TBC1D2B: variants seen among roughly 807,000 people sequenced by gnomAD.
TBC1D2B encodes TBC1 domain family, member 2B.
A neutral mutation model predicts 100.8 loss-of-function variants in TBC1D2B; 64 were observed. The ratio of observed to expected loss-of-function variants is 0.64; its 90% CI spans 0.52 to 0.78. The LOEUF is 0.78. Among genes scored for constraint, TBC1D2B ranks in the 30% least tolerant of loss-of-function variants. The pLI is 0.00. For missense variants in TBC1D2B, 1,052 were observed against 1,218.4 expected (o/e 0.86, Z 2.03); for synonymous variants, 480 against 479.7 (o/e 1.00, Z -0.01).
chr15:78,027,058 G>T (rs1198198627), intron 4 of TBC1D2B, among the ~76,000 whole-genome samples: 1 of 145,712 alleles, frequency 6.9e-6, no homozygotes, highest in Non-Finnish European at 1.5e-5. Flanking sequence ...CACTAAAAAA[G>T]AAAAAAAAAA....
At chr15:78,018,650 A>G (rs1410397232) in intron 6 of TBC1D2B, among the ~76,000 whole-genome samples, 4 of 152,214 alleles carry the variant, frequency 2.6e-5, no homozygotes, top group African/African-American at 9.7e-5. Flanking sequence ...GCCGAGTCCA[A>G]CTTTGAGAGC....
At chr15:78,038,839 A>C (rs2073009424) in intron 3 of TBC1D2B, among the ~76,000 whole-genome samples, 1 of 152,162 alleles carries the variant, frequency 6.6e-6, no homozygotes, top group Non-Finnish European at 1.5e-5. Context: ...GACCGCAGTG[A>C]TTTCCATGGA....
rs376116577 is a variant in TBC1D2B, at chr15:78,044,962, G to A, written c.621C>T (p.Pro207=). The A allele has an allele frequency of 8.1e-5, 130 of 1,613,520 alleles. 1 individual carries two copies. The African/African-American group carries it at 1.1e-3, about 14-fold the overall frequency. The part of the protein sequence containing the change: ...ELVGEQAANQ[P]APGHPNSINF... ...TAATGGAATTTGGATGCCCTGGGGC[G>A]GGCTGATTTGCAGCTTGTTCTCCCA... The change falls in exon 3 of 13, where the codon CCC becomes CCT. Residue 207 remains proline (P), a synonymous_variant. Transcript: ENST00000300584.
intron 1 of TBC1D2B, among the ~76,000 whole-genome samples, chr15:78,055,322 T>C (rs1342081268): frequency 6.8e-6 from 1 of 147,008 alleles, no homozygotes; most frequent in Non-Finnish European, 1.5e-5. Flanking sequence ...AAAAAAAAAA[T>C]CAACCAAGAT....
intron 7 of TBC1D2B, 35 bp from the exon 8 acceptor site, chr15:78,016,774 A>G (rs2072388191): frequency 1.4e-6 from 2 of 1,470,696 alleles, no homozygotes; most frequent in Non-Finnish European, 1.8e-6. Flanking sequence ...CCATTCAGAC[A>G]GAGACACAGG....
chr15:78,034,827 T>C, intron 3 of TBC1D2B: 3 of 805,692 alleles, frequency 3.7e-6, no homozygotes, highest in Non-Finnish European at 4.5e-6. Flanking sequence ...TTTGCTCTTA[T>C]GTGGCAAAAC....
intron 1 of TBC1D2B, among the ~76,000 whole-genome samples, chr15:78,058,636 G>A (rs1166257902): frequency 1.3e-5 from 2 of 152,198 alleles, no homozygotes; most frequent in African/African-American, 2.4e-5. Context: ...GCCAGTCAGC[G>A]CAGAAGCTAA....
At chr15:78,074,917 C>T (rs1212006915) in intron 1 of TBC1D2B, among the ~76,000 whole-genome samples, 1 of 152,154 alleles carries the variant, frequency 6.6e-6, no homozygotes, top group Non-Finnish European at 1.5e-5. Context: ...AAAGACACTG[C>T]TTGATGTTTC....
In TBC1D2B at chr15:78,016,695, G is replaced by A; in HGVS notation, c.1626C>T (p.Tyr542=). The A allele has an allele frequency of 1.3e-6, 2 of 1,593,636 alleles. No homozygotes were observed. Among genetic ancestry groups the A allele is most frequent in the Non-Finnish European group, 1.7e-6 (2 of 1,171,128 alleles). The change falls in exon 8 of 13, where the codon TAC becomes TAT. Residue 542 remains tyrosine, a synonymous_variant. Coordinates refer to ENST00000300584, the MANE Select transcript of TBC1D2B (RefSeq NM_144572.2). ...EAKLCQIESK[Y]LILLQEMKTP... ...TCTTCATTTCTTGGAGCAATATCAG[G>A]TATTTACTTTCTATCTGGCAGAGCT...
At chr15:78,017,776 G>C (rs2072414036) in intron 7 of TBC1D2B, 71 bp downstream of exon 7, 2 of 1,003,564 alleles carry the variant, frequency 2.0e-6, no homozygotes, top group Non-Finnish European at 3.0e-6. Flanking sequence ...GCTTTGTAAA[G>C]CATGCTTATT....
At chr15:78,013,457 G>C (rs1043437151) in intron 8 of TBC1D2B, 140 bp from the exon 9 acceptor site, 4 of 836,004 alleles carry the variant, frequency 4.8e-6, no homozygotes, top group Non-Finnish European at 7.2e-6. Flanking sequence ...AATCAGTGAG[G>C]ATATAATCGA....
At chr15:78,004,579 T>C (rs2072016819) in intron 10 of TBC1D2B, among the ~76,000 whole-genome samples, 1 of 152,218 alleles carries the variant, frequency 6.6e-6, no homozygotes, top group African/African-American at 2.4e-5. Context: ...CGTGAACCGG[T>C]ATGCACGTGT....
intron 3 of TBC1D2B, among the ~76,000 whole-genome samples, chr15:78,032,744 C>T (rs1378112118): frequency 6.6e-6 from 1 of 151,198 alleles, no homozygotes; most frequent in Non-Finnish European, 1.5e-5. Context: ...TAAATGGGAA[C>T]AAGAGCAGAG....
In TBC1D2B at chr15:78,054,078, G is replaced by A; in HGVS notation, c.470C>T (p.Thr157Ile). 1.2e-6 allele frequency: 2 copies of A among 1,613,770 alleles called. No individual in the cohort carries two copies. Residue 157 changes from threonine to isoleucine, a missense_variant, in exon 2 of 13, where the codon ACT becomes ATT. By Grantham distance (89) the Thr-to-Ile change is moderately conservative (BLOSUM62 -1). This residue lies in a region of TBC1D2B where 627 missense variants were observed against 646.1 expected (regional missense o/e 0.97). Coordinates refer to ENST00000300584, the MANE Select transcript of TBC1D2B (RefSeq NM_144572.2). The stretch of plus-strand genomic sequence containing the variant: ...AAGACCCTTAGGAAAATCCCCGGGA[G>A]TTGGAGAGGTCCTGCTGTCCCACTT... ...MVKWDSRTSP[T>I]PGDFPKGLVA...
In TBC1D2B at chr15:78,036,763, T is replaced by C. The variant is rs11634795; in HGVS notation, c.684-6593A>G. On this transcript the variant is annotated intron_variant, in intron 3 of 12. Transcript: ENST00000300584. ...CCACCAGTGTTATGGTCACTTGTTA[T>C]AGCAGCCAGAGCAAATTAACACAAT... Among the ~76,000 whole-genome samples the C allele has an allele frequency of 9.6e-3, 1,469 of 152,332 alleles. 14 individuals are homozygous for C. Among genetic ancestry groups the C allele is most frequent in the Admixed American group, 0.016 (245 of 15,306 alleles).
chr15:78,055,574 C>T (rs1220017912), intron 1 of TBC1D2B, among the ~76,000 whole-genome samples: 1 of 152,124 alleles, frequency 6.6e-6, no homozygotes, highest in African/African-American at 2.4e-5. Context: ...AAGAGATAGC[C>T]CTAGACCAAA....
chr15:78,013,394 T>C (rs1057389268), intron 8 of TBC1D2B, 77 bp from the exon 9 acceptor site: 4 of 1,359,678 alleles, frequency 2.9e-6, no homozygotes, highest in Middle Eastern at 3.8e-4. Context: ...AAATAGAGAG[T>C]CTAGAAACCA....
Position 78,012,689 on chromosome 15 carries a change from C to T in TBC1D2B, c.2270+134G>A, listed in dbSNP as rs539717660. On this transcript the variant is annotated intron_variant, in intron 9 of 12. Coordinates refer to ENST00000300584, the MANE Select transcript of TBC1D2B (RefSeq NM_144572.2). ...GGGGATATTGTGTAATGAAAACTGG[C>T]TTGCTGCAACTACTTTTTTCTCTTA... 8.5e-6 allele frequency: 8 copies of T among 940,052 alleles called. No homozygotes were observed. The South Asian group carries it at 3.3e-4, about 38-fold the overall frequency. The allele number at this position is 940,052 out of a possible 1,614,324, so 58.2% of individuals were successfully genotyped here.
At chr15:78,006,580 C>T (rs906303429) in intron 10 of TBC1D2B, among the ~76,000 whole-genome samples, 4 of 152,166 alleles carry the variant, frequency 2.6e-5, no homozygotes, top group Non-Finnish European at 4.4e-5. Context: ...TCTAGGAGGC[C>T]GTGGGCACAG....
Sources: allele counts gnomAD v4.1 joint callset (sites outside exome capture counted in the v4.1 genomes callset), GRCh38; gene constraint gnomAD v4.1.1; regional missense constraint gnomAD v4.1.1; transcripts MANE v1.5; gene names NCBI Gene and HGNC (gene_info 2026-07-23, HGNC 2026-07-21).